ASPH: variants seen among roughly 807,000 people sequenced by gnomAD.
ASPH encodes aspartyl/asparaginyl beta-hydroxylase.
A neutral mutation model predicts 118.4 loss-of-function variants in ASPH; 100 were observed. That is an observed-to-expected ratio of 0.84 (90% CI 0.72 to 1.00). The LOEUF is 1.00. ASPH is among the 50% of genes least tolerant of loss of function. ASPH has a pLI of 0.00. For synonymous variants in ASPH, 315 were observed against 325.6 expected, an observed-to-expected ratio of 0.97 and a Z score of 0.35; for missense variants, 920 against 919.5, an observed-to-expected ratio of 1.00 and a Z score of -0.01.
chr8:61,605,394 C>T (rs1476668598), intron 14 of ASPH, among the ~76,000 whole-genome samples: 1 of 152,196 alleles, frequency 6.6e-6, no homozygotes, highest in African/African-American at 2.4e-5. Flanking sequence ...AAATGGCCAT[C>T]TGACCTGCAC....
intron 21 of ASPH, among the ~76,000 whole-genome samples, chr8:61,538,301 A>G (rs1184081393): frequency 2.6e-5 from 4 of 152,210 alleles, no homozygotes; most frequent in African/African-American, 9.6e-5. Flanking sequence ...TTTTGTTGAC[A>G]TCTTCAGTGA....
chr8:61,709,918 A>C (rs1444332098), intron 1 of ASPH, among the ~76,000 whole-genome samples: 6 of 152,266 alleles, frequency 3.9e-5, no homozygotes, highest in Non-Finnish European at 8.8e-5. Context: ...CTCAAAGCAT[A>C]GTATAAACTC....
At chr8:61,648,505 T>A (rs1809204617) in intron 5 of ASPH, among the ~76,000 whole-genome samples, 1 of 152,258 alleles carries the variant, frequency 6.6e-6, no homozygotes, top group Non-Finnish European at 1.5e-5. Context: ...TTTACTTCTC[T>A]TTTTATTTTT....
chr8:61,505,538 T>G (rs193072067), intron 24 of ASPH, among the ~76,000 whole-genome samples: 1 of 151,424 alleles, frequency 6.6e-6, no homozygotes, highest in Non-Finnish European at 1.5e-5. Context: ...CCTCCCACCA[T>G]GATTCTGAGT....
chr8:61,590,933 T>C (rs1436328209), intron 14 of ASPH, among the ~76,000 whole-genome samples: 1 of 152,186 alleles, frequency 6.6e-6, no homozygotes, highest in African/African-American at 2.4e-5. Flanking sequence ...TAATCTCTCC[T>C]ATGGTCATAT....
At position 61,503,265 on chromosome 8, in the gene ASPH, C is replaced by CTCAT. The variant is rs570626763; in HGVS notation, c.*93_*94insATGA. 7.1e-7 allele frequency: 1 copy of CTCAT among 1,417,042 alleles called. No individual in the cohort carries two copies. Among genetic ancestry groups the CTCAT allele is most frequent in the African/African-American group, 1.4e-5 (1 of 69,404 alleles). The allele number at this position is 1,417,042 out of a possible 1,614,324, so 87.8% of individuals were successfully genotyped here. A position where few individuals can be genotyped will look rare whatever the true frequency, so the allele number is the denominator to read the frequency against. ...TCGGGCTGCAAGTCAAGGGAATTGA[C>CTCAT]TCTTGGTGTTCGAAATTCTATCCTC... On this transcript the variant is annotated 3_prime_UTR_variant, in exon 25 of 25. Coordinates refer to ENST00000379454, the MANE Select transcript of ASPH (RefSeq NM_004318.4).
At chr8:61,540,545 TTA>T (rs1284659416) in intron 21 of ASPH, among the ~76,000 whole-genome samples, 2 of 152,146 alleles carry the variant, frequency 1.3e-5, no homozygotes, top group African/African-American at 4.8e-5. Context: ...CCTTTTTTCT[TTA>T]TAAACTACCC....
At chr8:61,522,948 GGCTTCAACATATGAATTTT>G (rs1417998902) in intron 22 of ASPH, among the ~76,000 whole-genome samples, 1 of 151,952 alleles carries the variant, frequency 6.6e-6, no homozygotes, top group East Asian at 1.9e-4. Flanking sequence ...TGGGGGTTAG[GGCTTCAACATATGAATTTT>G]GCGGGGTACA....
At chr8:61,695,021 G>A (rs763050666) in intron 1 of ASPH, among the ~76,000 whole-genome samples, 5 of 152,162 alleles carry the variant, frequency 3.3e-5, no homozygotes, top group Non-Finnish European at 7.3e-5. Context: ...TGATTACAAC[G>A]AGGCCAAGAT....
At chr8:61,674,331 A>G (rs999201602) in intron 3 of ASPH, among the ~76,000 whole-genome samples, 2 of 152,248 alleles carry the variant, frequency 1.3e-5, no homozygotes, top group Non-Finnish European at 2.9e-5. Flanking sequence ...CAGAAGGAAC[A>G]TTACTGAATG....
intron 24 of ASPH, among the ~76,000 whole-genome samples, chr8:61,509,030 AAC>A (rs1171500461): frequency 1.3e-5 from 2 of 152,162 alleles, no homozygotes; most frequent in Admixed American, 6.5e-5. Flanking sequence ...CTCCCCTTCT[AAC>A]ACACACAAAC....
chr8:61,617,500 C>T (rs183704073), intron 14 of ASPH, among the ~76,000 whole-genome samples: 374 of 152,168 alleles, frequency 2.5e-3, no homozygotes, highest in Non-Finnish European at 3.7e-3. Context: ...AGTAAGGCAG[C>T]GGAGAGCTTG....
chr8:61,629,435 G>A (rs540449258), intron 13 of ASPH, among the ~76,000 whole-genome samples: 1 of 152,270 alleles, frequency 6.6e-6, no homozygotes, highest in East Asian at 1.9e-4. Context: ...ATGATTTCAA[G>A]GAAAACTATG....
At chr8:61,625,329 C>A (rs974928828) in intron 13 of ASPH, 1 of 985,702 alleles carries the variant, frequency 1.0e-6, no homozygotes, top group Admixed American at 6.2e-5. Flanking sequence ...TCAATCAACC[C>A]AGCTCAAGGC....
At chr8:61,588,585 C>T (rs1446204462) in intron 14 of ASPH, among the ~76,000 whole-genome samples, 2 of 152,200 alleles carry the variant, frequency 1.3e-5, no homozygotes, top group Non-Finnish European at 2.9e-5. Flanking sequence ...GCAACAATTT[C>T]CTAACTAGTC....
intron 21 of ASPH, among the ~76,000 whole-genome samples, chr8:61,533,903 G>T (rs546982851): frequency 6.6e-6 from 1 of 152,258 alleles, no homozygotes; most frequent in South Asian, 2.1e-4. Context: ...GGTTTCAGGT[G>T]GGGGGTGCTA....
chr8:61,606,920 T>G, intron 14 of ASPH: 1 of 207,372 alleles, frequency 4.8e-6, no homozygotes, highest in Non-Finnish European at 9.6e-6. Flanking sequence ...TAGACATACT[T>G]CAGTATCTGG....
chr8:61,663,617 T>C (rs1818024184), intron 3 of ASPH: 3 of 985,260 alleles, frequency 3.0e-6, no homozygotes, highest in Admixed American at 6.1e-5. Flanking sequence ...AATTCCCTTT[T>C]TGGTTTACAA....
At chr8:61,582,290 T>C (rs936385408) in intron 15 of ASPH, among the ~76,000 whole-genome samples, 1 of 152,234 alleles carries the variant, frequency 6.6e-6, no homozygotes, top group African/African-American at 2.4e-5. Flanking sequence ...TTATCATTCA[T>C]ATAATTACAT....
Sources: allele counts gnomAD v4.1 joint callset (sites outside exome capture counted in the v4.1 genomes callset), GRCh38; gene constraint gnomAD v4.1.1; transcripts MANE v1.5; gene names NCBI Gene and HGNC (gene_info 2026-07-23, HGNC 2026-07-21).